The following MYOCD variants were observed in gnomAD, a reference collection of about 807,000 sequenced individuals.
The protein encoded by MYOCD is myocardin.
A neutral mutation model predicts 96.1 loss-of-function variants in MYOCD; 32 were observed. The ratio of observed to expected loss-of-function variants is 0.33; its 90% CI spans 0.25 to 0.45. MYOCD has a LOEUF of 0.45. MYOCD is among the 20% of genes least tolerant of loss of function. The pLI, the probability that MYOCD is intolerant of heterozygous loss-of-function variation, is 1.00. For synonymous variants in MYOCD, 469 were observed against 469.0 expected (o/e 1.00, Z 0.00); for missense variants, 1,133 against 1,200.6 (o/e 0.94, Z 0.83).
chr17:12,757,965 AC>A, intron 11 of MYOCD, 119 bp from the exon 12 acceptor site: 1 of 741,710 alleles, frequency 1.3e-6, no homozygotes, highest in Non-Finnish European at 2.3e-6. Flanking sequence ...TAAGCCCTGG[AC>A]TTTTCTTTTT....
chr17:12,675,440 T>C (rs558894923), intron 1 of MYOCD, among the ~76,000 whole-genome samples: 5 of 152,220 alleles, frequency 3.3e-5, no homozygotes, highest in African/African-American at 1.2e-4. Flanking sequence ...TAAAACACAA[T>C]GCAAAGCAAA....
rs1426033113 is a variant in MYOCD, at chr17:12,730,509, A to G, written c.416-5652A>G. ...AGTGCCAGGGATCTGAGTAAAAAAAATTAGTCATTCCAACATCTACCTATT... is the reference window on the plus strand; with the variant it reads ...AGTGCCAGGGATCTGAGTAAAAAAAGTTAGTCATTCCAACATCTACCTATT... On this transcript the variant is annotated intron_variant, in intron 5 of 13. Transcript: ENST00000425538. Among the ~76,000 whole-genome samples the G allele has an allele frequency of 5.3e-5, 8 of 152,154 alleles. No individual in the cohort carries two copies. The East Asian group carries it at 1.5e-3, about 29-fold the overall frequency.
Position 12,745,948 on chromosome 17 carries a change from C to T in MYOCD, c.1001C>T (p.Pro334Leu), listed in dbSNP as rs1364197572. Reference sequence around the variant, plus strand: ...CCAAATGAACAGATGGTCAGAAATCCAAACTCTTCTTCAACGCCACTGAGC... The same window carrying T: ...CCAAATGAACAGATGGTCAGAAATCTAAACTCTTCTTCAACGCCACTGAGC... ...KEPNEQMVRN[P>L]NSSSTPLSNT... Residue 334 changes from proline to leucine, a missense_variant, in exon 9 of 14, where the codon CCA (proline) becomes CTA (leucine). By Grantham distance (98) the Pro-to-Leu change is moderately conservative. Transcript: ENST00000425538. 1 of 1,614,062 alleles carries T rather than the reference C, an allele frequency of 6.2e-7. No individual in the cohort carries two copies. The highest frequency in any genetic ancestry group is 8.5e-7 in the Non-Finnish European group (1 of 1,180,004).
chr17:12,666,382 G>A (rs1247875714), intron 1 of MYOCD, 139 bp downstream of exon 1: 4 of 683,178 alleles, frequency 5.9e-6, no homozygotes, highest in East Asian at 5.6e-5. Context: ...TTGTGGAAGC[G>A]AAGAGTTTTG....
intron 4 of MYOCD, among the ~76,000 whole-genome samples, chr17:12,717,871 CT>C (rs1567585028): frequency 6.6e-6 from 1 of 152,156 alleles, no homozygotes; most frequent in Non-Finnish European, 1.5e-5. Context: ...GAAATTAGTG[CT>C]GATCAAAGTA....
chr17:12,731,180 G>T (rs1303398301), intron 5 of MYOCD, among the ~76,000 whole-genome samples: 1 of 152,208 alleles, frequency 6.6e-6, no homozygotes, highest in Non-Finnish European at 1.5e-5. Flanking sequence ...GGGAAGATTG[G>T]AGCGGAGGCC....
intron 8 of MYOCD, 135 bp downstream of exon 8, chr17:12,744,571 T>C (rs1173172300): frequency 8.5e-6 from 11 of 1,287,318 alleles, no homozygotes; most frequent in Non-Finnish European, 1.1e-5. Context: ...GTTTGGAAGG[T>C]GACTCAATTT....
chr17:12,767,818 C>T lies in MYOCD; in HGVS notation c.*4174C>T, dbSNP rs2033380562. 1 of 152,128 alleles carries T rather than the reference C, an allele frequency of 6.6e-6. No homozygotes were observed. The highest frequency in any genetic ancestry group is 6.6e-5 in the Admixed American group (1 of 15,258). The allele number at this position is 152,128 out of a possible 1,614,324, so 9.4% of individuals were successfully genotyped here. ...TTGTGTTGATTGCCAGATACAGAAG[C>T]CCCTTGAAAATAAGGAAAGGGTGGA... On this transcript the variant is annotated 3_prime_UTR_variant, in exon 14 of 14. Coordinates refer to ENST00000425538, the MANE Select transcript of MYOCD (RefSeq NM_001146312.3).
At chr17:12,734,288 G>C (rs1394598224) in intron 5 of MYOCD, among the ~76,000 whole-genome samples, 1 of 152,026 alleles carries the variant, frequency 6.6e-6, no homozygotes, top group Admixed American at 6.6e-5. Flanking sequence ...CTCAGACTGA[G>C]GGTCCTGCTG....
At chr17:12,698,444 A>G (rs1248782283) in intron 1 of MYOCD, among the ~76,000 whole-genome samples, 2 of 152,212 alleles carry the variant, frequency 1.3e-5, no homozygotes, top group African/African-American at 2.4e-5. Flanking sequence ...TTTTGTATTC[A>G]GGGAAAATTG....
chr17:12,755,969 A>T (rs1016371088), intron 10 of MYOCD, among the ~76,000 whole-genome samples: 3 of 152,150 alleles, frequency 2.0e-5, no homozygotes, highest in Non-Finnish European at 4.4e-5. Context: ...GGAGGGACAG[A>T]TTGATTAGAA....
chr17:12,752,673 C>A lies in MYOCD; in HGVS notation c.1385C>A (p.Ser462Tyr). The change falls in exon 10 of 14, where the codon TCC becomes TAC. Residue 462 changes from serine to tyrosine, a missense_variant. By Grantham distance (144) the Ser-to-Tyr change is moderately radical. Transcript: ENST00000425538. ...TSSSPPISPASSDLSVAGSLP... is the reference protein window; with the variant it reads ...TSSSPPISPAYSDLSVAGSLP... ...TCCAGCCCCCCGATCTCCCCAGCCT[C>A]CTCTGACCTGTCAGTCGCTGGGTCC... 6.2e-7 allele frequency: 1 copy of A among 1,614,196 alleles called. No individual in the cohort carries two copies. Among genetic ancestry groups the A allele is most frequent in the Non-Finnish European group, 8.5e-7 (1 of 1,180,032 alleles).
intron 2 of MYOCD, among the ~76,000 whole-genome samples, chr17:12,713,540 T>A (rs1178912031): frequency 6.6e-6 from 1 of 152,166 alleles, no homozygotes; most frequent in Non-Finnish European, 1.5e-5. Flanking sequence ...CACACGAAGA[T>A]CCATTCATTT....
intron 2 of MYOCD, among the ~76,000 whole-genome samples, chr17:12,710,020 G>A (rs16946486): frequency 0.15 from 23,023 of 152,114 alleles, 1,858 homozygotes; most frequent in Middle Eastern, 0.2. Context: ...TCTGCTGTGA[G>A]AAAGGCTCTG....
In MYOCD at chr17:12,712,265, A is replaced by C. The variant is rs996639208; in HGVS notation, c.122-3254A>C. Among the ~76,000 whole-genome samples the C allele has an allele frequency of 2.0e-5, 3 of 152,090 alleles. 1 individual carries two copies. Among genetic ancestry groups the C allele is most frequent in the Non-Finnish European group, 4.4e-5 (3 of 68,020 alleles). ...TGCCGCCCCAAGTCTCTGGCTCTTT[A>C]ATTCTTCCTCTTGGTCCTCTTAGTA... On this transcript the variant is annotated intron_variant, in intron 2 of 13. Transcript: ENST00000425538.
intron 1 of MYOCD, among the ~76,000 whole-genome samples, chr17:12,699,045 G>T (rs1479836084): frequency 1.3e-5 from 2 of 149,152 alleles, no homozygotes; most frequent in African/African-American, 2.5e-5. Context: ...CCCGGCCCCA[G>T]ACCCTCTTTA....
chr17:12,694,881 CAAAAAAAAA>C (rs201215491), intron 1 of MYOCD, among the ~76,000 whole-genome samples: 8 of 69,632 alleles, frequency 1.1e-4, no homozygotes, highest in African/African-American at 1.5e-4. Context: ...AAGGAATAAC[CAAAAAAAAA>C]AAAAAAAAAA....
At chr17:12,749,839 G>A (rs1462379724) in intron 9 of MYOCD, among the ~76,000 whole-genome samples, 1 of 151,394 alleles carries the variant, frequency 6.6e-6, no homozygotes, top group Non-Finnish European at 1.5e-5. Flanking sequence ...ATTGTTTAAA[G>A]TTTTTTGTTT....
At chr17:12,751,564 G>A (rs915772599) in intron 9 of MYOCD, among the ~76,000 whole-genome samples, 1 of 152,144 alleles carries the variant, frequency 6.6e-6, no homozygotes, top group Non-Finnish European at 1.5e-5. Flanking sequence ...AATAATATTA[G>A]TAAAACTTTA....
Sources: gnomAD v4.1 joint callset for allele counts (sites outside exome capture counted in the v4.1 genomes callset) on GRCh38, gnomAD v4.1.1 for gene constraint, MANE v1.5 for transcripts, NCBI Gene and HGNC (gene_info 2026-07-23, HGNC 2026-07-21) for gene names.